Variants in LIMCH1 observed in about 807,000 individuals in gnomAD.
LIMCH1 encodes the protein LIM and calponin homology domains-containing protein 1.
A neutral mutation model predicts 176.5 loss-of-function variants in LIMCH1; 113 were observed. The ratio of observed to expected loss-of-function variants is 0.64; its 90% CI spans 0.55 to 0.75. The LOEUF (loss-of-function observed/expected upper bound fraction) is 0.75, where lower values mean the gene tolerates loss of function less well. Ranked by LOEUF, LIMCH1 falls within the 30% of genes least tolerant of loss-of-function variation. LIMCH1 has a pLI of 0.00. For synonymous variants in LIMCH1, 619 were observed against 645.9 expected, an observed-to-expected ratio of 0.96 and a Z score of 0.63; for missense variants, 1,674 against 1,814.9, an observed-to-expected ratio of 0.92 and a Z score of 1.41.
chr4:41,567,788 T>A (rs146147202), intron 1 of LIMCH1, among the ~76,000 whole-genome samples: 2,436 of 152,286 alleles, frequency 0.016, 35 homozygotes, highest in Middle Eastern at 0.061. Flanking sequence ...GCTCTTTTTT[T>A]AGAAATCTTG....
intron 2 of LIMCH1, among the ~76,000 whole-genome samples, chr4:41,519,786 C>T (rs2152395957): frequency 6.6e-6 from 1 of 152,296 alleles, no homozygotes; most frequent in Non-Finnish European, 1.5e-5. Flanking sequence ...CCCATCACCC[C>T]ACTGGATTCT....
At chr4:41,449,035 G>A (rs144945376) in intron 1 of LIMCH1, among the ~76,000 whole-genome samples, 1 of 152,082 alleles carries the variant, frequency 6.6e-6, no homozygotes, top group East Asian at 1.9e-4. Flanking sequence ...AAAAAAGCTG[G>A]TATTTTCTCC....
intron 25 of LIMCH1, among the ~76,000 whole-genome samples, chr4:41,681,819 T>TA (rs1329630056): frequency 1.3e-5 from 2 of 151,684 alleles, no homozygotes; most frequent in Non-Finnish European, 2.9e-5. Context: ...AGACAACAAA[T>TA]AAAAAAACCT....
intron 1 of LIMCH1, among the ~76,000 whole-genome samples, chr4:41,494,168 A>G (rs903479002): frequency 6.6e-6 from 1 of 152,078 alleles, no homozygotes; most frequent in African/African-American, 2.4e-5. Flanking sequence ...GCTTCAAAGA[A>G]ATGGTCTAAA....
In LIMCH1 at chr4:41,530,526, G is replaced by A. The variant is rs188840674; in HGVS notation, c.237+6048G>A. ...CTCCAGTTAAAATTGTTGTTTTTTG[G>A]CCAGGCATGGTGGCTCATGCCTGTA... On this transcript the variant is annotated intron_variant, in intron 3 of 26. Coordinates refer to the LIMCH1 transcript ENST00000313860. Among the ~76,000 whole-genome samples, 238 of 151,930 alleles carry A rather than the reference G, an allele frequency of 1.6e-3. 1 individual carries two copies. Among genetic ancestry groups the A allele is most frequent in the African/African-American group, 5.3e-3 (220 of 41,408 alleles).
rs193149372 is a variant in LIMCH1, at chr4:41,434,366, G to C, written c.97-60170G>C. 2.9e-3 allele frequency among the ~76,000 whole-genome samples: 436 copies of C among 152,312 alleles called. 5 individuals are homozygous for C. Among genetic ancestry groups the C allele is most frequent in the Non-Finnish European group, 3.7e-3 (254 of 68,026 alleles). ...AGAGCTAGCCGGTTTCACTCCCATGGTCACCAGGCCAGGCAGCAACCCAGA... is the reference window on the plus strand; with the variant it reads ...AGAGCTAGCCGGTTTCACTCCCATGCTCACCAGGCCAGGCAGCAACCCAGA... On this transcript the variant is annotated intron_variant, in intron 1 of 26. Coordinates refer to the LIMCH1 transcript ENST00000313860.
intron 1 of LIMCH1, among the ~76,000 whole-genome samples, chr4:41,586,609 A>T (rs983433736): frequency 6.6e-6 from 1 of 152,208 alleles, no homozygotes; most frequent in African/African-American, 2.4e-5. Flanking sequence ...CAATTCCCAA[A>T]ATGCAACTAG....
chr4:41,578,136 T>A (rs979073447), intron 1 of LIMCH1, among the ~76,000 whole-genome samples: 4 of 152,148 alleles, frequency 2.6e-5, no homozygotes, highest in Non-Finnish European at 4.4e-5. Context: ...GACTGGGTAA[T>A]TTATAAGGAG....
chr4:41,557,173 G>T (rs905800791), intron 1 of LIMCH1, among the ~76,000 whole-genome samples: 1 of 152,130 alleles, frequency 6.6e-6, no homozygotes, highest in African/African-American at 2.4e-5. Flanking sequence ...CCTGTGGGCC[G>T]TTGTAAAATG....
intron 13 of LIMCH1, among the ~76,000 whole-genome samples, chr4:41,637,084 A>G (rs1409980655): frequency 1.3e-5 from 2 of 152,248 alleles, no homozygotes; most frequent in African/African-American, 4.8e-5. Context: ...TAACTTAGAA[A>G]ACACTGTGTT....
At chr4:41,539,089 G>A (rs1402989326) in intron 1 of LIMCH1, among the ~76,000 whole-genome samples, 1 of 152,176 alleles carries the variant, frequency 6.6e-6, no homozygotes, top group Non-Finnish European at 1.5e-5. Context: ...AATTTATGAG[G>A]CTGGGTTGAA....
rs181204070 is a variant in LIMCH1 at position 41,500,046 on chromosome 4, A to G, written c.167+5440A>G. Among the ~76,000 whole-genome samples, 87 of 152,284 alleles carry G rather than the reference A, an allele frequency of 5.7e-4. 1 individual carries two copies. The highest frequency in any genetic ancestry group is 1.9e-3 in the African/African-American group (81 of 41,558). On this transcript the variant is annotated intron_variant, in intron 2 of 26. Coordinates refer to the LIMCH1 transcript ENST00000313860. ...ATCCAGGTTAGACAGTTATAGCAAG[A>G]CCACGTGGGTGATGTTCTTGGCATG...
At chr4:41,495,973 C>T (rs1199667867) in intron 2 of LIMCH1, among the ~76,000 whole-genome samples, 1 of 152,180 alleles carries the variant, frequency 6.6e-6, no homozygotes, top group Non-Finnish European at 1.5e-5. Context: ...ACATTTAAAT[C>T]AGAGCTTAAC....
At chr4:41,558,795 A>G (rs572846080) in intron 1 of LIMCH1, among the ~76,000 whole-genome samples, 2 of 152,214 alleles carry the variant, frequency 1.3e-5, no homozygotes, top group Non-Finnish European at 2.9e-5. Flanking sequence ...AGCATGTGGC[A>G]TAATTCTAGC....
chr4:41,530,999 T>C (rs2077227439), intron 3 of LIMCH1, among the ~76,000 whole-genome samples: 1 of 151,626 alleles, frequency 6.6e-6, no homozygotes, highest in South Asian at 2.1e-4. Flanking sequence ...TTGCTGTATC[T>C]TTACTCTAAA....
At chr4:41,494,659 A>C (rs1050495069) in intron 2 of LIMCH1, 16 of 1,164,408 alleles carry the variant, frequency 1.4e-5, no homozygotes, top group African/African-American at 6.2e-5. Flanking sequence ...CATTAATACT[A>C]TCCAGTTTGG....
intron 1 of LIMCH1, among the ~76,000 whole-genome samples, chr4:41,422,290 C>T (rs764862947): frequency 6.6e-5 from 10 of 152,008 alleles, no homozygotes; most frequent in Non-Finnish European, 8.8e-5. Context: ...CAGGTTCAAG[C>T]GATTCTTGTG....
chr4:41,651,681 C>T (rs1287755876), intron 18 of LIMCH1, among the ~76,000 whole-genome samples: 3 of 152,042 alleles, frequency 2.0e-5, no homozygotes, highest in East Asian at 3.9e-4. Flanking sequence ...CCATCCCCGG[C>T]GATGTATATA....
At chr4:41,385,457 T>A (rs77183695) in intron 1 of LIMCH1, among the ~76,000 whole-genome samples, 115 of 152,336 alleles carry the variant, frequency 7.5e-4, no homozygotes, top group Non-Finnish European at 1.5e-3. Flanking sequence ...TCTGTGGCAA[T>A]GGGCTTATTA....
Sources: gnomAD v4.1 joint callset for allele counts (sites outside exome capture counted in the v4.1 genomes callset) on GRCh38, gnomAD v4.1.1 for gene constraint, MANE v1.5 for transcripts, NCBI Gene and HGNC (gene_info 2026-07-23, HGNC 2026-07-21) for gene names.